FHIT: variants seen among roughly 807,000 people sequenced by gnomAD.
FHIT encodes the protein fragile histidine triad diadenosine triphosphatase.
A neutral mutation model predicts 17.9 loss-of-function variants in FHIT; 19 were observed. That is an observed-to-expected ratio of 1.06 (90% CI 0.74 to 1.56). The LOEUF (loss-of-function observed/expected upper bound fraction) is 1.56, where lower values mean the gene tolerates loss of function less well. Ranked by LOEUF, FHIT falls within the 40% of genes most tolerant of loss-of-function variation. FHIT has a pLI of 0.00. For synonymous variants in FHIT, 81 were observed against 69.7 expected, an observed-to-expected ratio of 1.16 and a Z score of -0.81; for missense variants, 248 against 189.2, an observed-to-expected ratio of 1.31 and a Z score of -1.82.
chr3:60,092,225 G>C (rs754866276), intron 5 of FHIT, among the ~76,000 whole-genome samples: 21 of 152,272 alleles, frequency 1.4e-4, no homozygotes, highest in Non-Finnish European at 2.1e-4. Context: ...CAGTGTACTT[G>C]TTTCATAATT....
chr3:60,605,952 C>T (rs1331873126), intron 4 of FHIT, among the ~76,000 whole-genome samples: 2 of 152,154 alleles, frequency 1.3e-5, no homozygotes, highest in African/African-American at 4.8e-5. Flanking sequence ...TGCTCTGTCA[C>T]AGATGAAAAC....
chr3:59,831,616 C>A (rs548708101), intron 8 of FHIT, among the ~76,000 whole-genome samples: 2 of 152,162 alleles, frequency 1.3e-5, no homozygotes, highest in African/African-American at 4.8e-5. Context: ...CTGTCTGTCC[C>A]AGATAGAGCC....
intron 5 of FHIT, among the ~76,000 whole-genome samples, chr3:60,227,819 T>C (rs1704289952): frequency 6.6e-6 from 1 of 152,188 alleles, no homozygotes; most frequent in Admixed American, 6.5e-5. Flanking sequence ...CAAGAACTTC[T>C]GGAATGCTGT....
At chr3:60,442,147 A>C (rs1559916812) in intron 5 of FHIT, among the ~76,000 whole-genome samples, 1 of 151,900 alleles carries the variant, frequency 6.6e-6, no homozygotes, top group Non-Finnish European at 1.5e-5. Context: ...GGCATAAGCC[A>C]CCATGCCCAG....
intron 4 of FHIT, among the ~76,000 whole-genome samples, chr3:60,655,830 T>C (rs574444296): frequency 1.3e-5 from 2 of 152,288 alleles, no homozygotes; most frequent in Admixed American, 1.3e-4. Flanking sequence ...AGTGTATATT[T>C]GGATGCACAG....
Position 61,121,466 on chromosome 3 carries a change from G to A in FHIT, c.-164+79151C>T, listed in dbSNP as rs554654276. ...ACATTCTTAAAGAATTTTCTACCCA[G>A]AATTTCATATCCAGCCAAACTATGT... On this transcript the variant is annotated intron_variant, in intron 2 of 9. Coordinates refer to ENST00000492590, the MANE Select transcript of FHIT (RefSeq NM_002012.4). 5.1e-4 allele frequency among the ~76,000 whole-genome samples: 77 copies of A among 152,196 alleles called. 1 individual carries two copies. The highest frequency in any genetic ancestry group is 1.8e-3 in the African/African-American group (74 of 41,516).
At chr3:60,517,444 A>G (rs2035202039) in intron 5 of FHIT, among the ~76,000 whole-genome samples, 1 of 152,074 alleles carries the variant, frequency 6.6e-6, no homozygotes, top group African/African-American at 2.4e-5. Flanking sequence ...CTAAGTAGCT[A>G]CTTCCTCTGT....
rs146359241 is a variant in FHIT at position 60,234,473 on chromosome 3, G to A, written c.104-220321C>T. On this transcript the variant is annotated intron_variant, in intron 5 of 9. Transcript: ENST00000492590. ...GTCTTTATTTCATTATTCTGATACC[G>A]AATATATAACACCATTGTTGGCTTA... Among the ~76,000 whole-genome samples, 1,364 of 152,128 alleles carry A rather than the reference G, an allele frequency of 9.0e-3. 16 individuals carry two copies. The highest frequency in any genetic ancestry group is 0.02 in the Middle Eastern group (6 of 294).
At chr3:60,684,249 A>G (rs1346173931) in intron 4 of FHIT, among the ~76,000 whole-genome samples, 4 of 152,100 alleles carry the variant, frequency 2.6e-5, no homozygotes, top group Admixed American at 2.6e-4. Context: ...CTCTTGTAAT[A>G]GCATTTAGGT....
chr3:60,611,396 G>A (rs1197680628), intron 4 of FHIT, among the ~76,000 whole-genome samples: 44 of 152,158 alleles, frequency 2.9e-4, no homozygotes, highest in Admixed American at 1.0e-3. Flanking sequence ...TTATAGGAAC[G>A]CTAAGCATGT....
chr3:59,752,268 T>C lies in FHIT; in HGVS notation c.402A>G (p.Glu134=). Residue 134 remains glutamate (E), a synonymous_variant, in exon 9 of 10, where the codon GAA becomes GAG. Coordinates refer to ENST00000492590, the MANE Select transcript of FHIT (RefSeq NM_002012.4). ...GCAGAGCTGCGGCTTCTGCTGCCAT[T>C]TCCTCCTCTGATCTCCAAGAGGCAG... ...DFPASWRSEE[E]MAAEAAALRV... is the part of the protein sequence containing the mutation. 1 of 1,613,280 alleles carries C rather than the reference T, an allele frequency of 6.2e-7. No homozygotes were observed. Among genetic ancestry groups the C allele is most frequent in the Non-Finnish European group, 8.5e-7 (1 of 1,179,586 alleles).
chr3:61,166,533 A>G (rs1366761132), intron 2 of FHIT, among the ~76,000 whole-genome samples: 1 of 152,160 alleles, frequency 6.6e-6, no homozygotes, highest in African/African-American at 2.4e-5. Context: ...AGCAGGCTGT[A>G]TTTTTTTAAC....
intron 5 of FHIT, among the ~76,000 whole-genome samples, chr3:60,373,680 T>G (rs1417959089): frequency 1.3e-5 from 2 of 152,198 alleles, no homozygotes; most frequent in Non-Finnish European, 2.9e-5. Context: ...CAGTCACTAC[T>G]GGCAAAAGCA....
intron 8 of FHIT, among the ~76,000 whole-genome samples, chr3:59,858,010 T>C (rs1420139198): frequency 6.6e-6 from 1 of 152,146 alleles, no homozygotes; most frequent in African/African-American, 2.4e-5. Context: ...TATGGCCAGT[T>C]GGCTCAGCTG....
At chr3:61,019,303 C>T (rs76430642) in intron 3 of FHIT, among the ~76,000 whole-genome samples, 2,361 of 152,234 alleles carry the variant, frequency 0.016, 78 homozygotes, top group East Asian at 0.071. Flanking sequence ...GGGTTTAAAA[C>T]GTATTTGGAA....
chr3:59,960,084 G>C (rs11715442), intron 7 of FHIT, among the ~76,000 whole-genome samples: 26,944 of 152,018 alleles, frequency 0.18, 2,738 homozygotes, highest in East Asian at 0.33. Context: ...AGGTGCATAG[G>C]GTGGCAGTGG....
chr3:60,469,348 T>C (rs1166656091), intron 5 of FHIT, among the ~76,000 whole-genome samples: 1 of 150,334 alleles, frequency 6.7e-6, no homozygotes, highest in Non-Finnish European at 1.5e-5. Context: ...TTTGTATTCT[T>C]TTCTCTTTTG....
intron 3 of FHIT, among the ~76,000 whole-genome samples, chr3:60,891,597 T>C (rs1168467436): frequency 1.3e-5 from 2 of 152,180 alleles, no homozygotes; most frequent in African/African-American, 4.8e-5. Flanking sequence ...GTCATACGTG[T>C]CTATATTTTT....
chr3:60,927,035 C>T (rs1399002655), intron 3 of FHIT, among the ~76,000 whole-genome samples: 6 of 152,172 alleles, frequency 3.9e-5, no homozygotes, highest in Non-Finnish European at 2.9e-5. Flanking sequence ...CCACTTTCCA[C>T]GGTCTCCCTC....
Sources: gnomAD v4.1 joint callset for allele counts (sites outside exome capture counted in the v4.1 genomes callset) on GRCh38, gnomAD v4.1.1 for gene constraint, MANE v1.5 for transcripts, NCBI Gene and HGNC (gene_info 2026-07-23, HGNC 2026-07-21) for gene names.